GRIP2: variants seen among roughly 807,000 people sequenced by gnomAD.
GRIP2 encodes glutamate receptor-interacting protein 2.
GRIP2 carries 58 observed loss-of-function variants against 108.3 expected under a neutral mutation model. The ratio of observed to expected loss-of-function variants is 0.54; its 90% CI spans 0.43 to 0.67. GRIP2 has a LOEUF of 0.67. GRIP2 is among the 30% of genes least tolerant of loss of function. The pLI, the probability that GRIP2 is intolerant of heterozygous loss-of-function variation, is 0.00. For synonymous variants in GRIP2, 586 were observed against 598.2 expected, an observed-to-expected ratio of 0.98 and a Z score of 0.30; for missense variants, 1,278 against 1,430.6, an observed-to-expected ratio of 0.89 and a Z score of 1.72.
chr3:14,554,148 G>A lies in GRIP2; in HGVS notation c.55+1752C>T, dbSNP rs537286485. ...TCAATCGGCACTGCAATCTCAGAAG[G>A]GCAGTTTTTCTTGGGCTCACTTCAA... On this transcript the variant is annotated intron_variant, in intron 1 of 23. Coordinates refer to the GRIP2 transcript ENST00000637182. Among the ~76,000 whole-genome samples, 18 of 152,220 alleles carry A rather than the reference G, an allele frequency of 1.2e-4. No homozygotes were observed. The South Asian group carries it at 3.1e-3, about 26-fold the overall frequency.
At chr3:14,551,252 C>T (rs913958762) in intron 1 of GRIP2, among the ~76,000 whole-genome samples, 1 of 152,188 alleles carries the variant, frequency 6.6e-6, no homozygotes, top group East Asian at 1.9e-4. Flanking sequence ...TTAAGACAGG[C>T]AGATGGTCCT....
upstream of GRIP2, among the ~76,000 whole-genome samples, chr3:14,558,769 CA>C (rs1023460591): frequency 6.6e-6 from 1 of 152,164 alleles, no homozygotes; most frequent in Non-Finnish European, 1.5e-5. Context: ...AGAGACCCCA[CA>C]GGCCTCAGGG....
the GRIP2 span, among the ~76,000 whole-genome samples, chr3:14,568,873 G>A: frequency 2.0e-5 from 3 of 152,196 alleles, no homozygotes; most frequent in Non-Finnish European, 4.4e-5. Flanking sequence ...TCAGACAACC[G>A]AGGCTCCAAC....
intron 22 of GRIP2, among the ~76,000 whole-genome samples, chr3:14,495,703 C>G (rs1693579972): frequency 6.6e-6 from 1 of 152,160 alleles, no homozygotes; most frequent in Non-Finnish European, 1.5e-5. Context: ...CCGCGACCAG[C>G]TCGTATCTTT....
the GRIP2 span, among the ~76,000 whole-genome samples, chr3:14,597,783 T>C: frequency 1.3e-5 from 2 of 152,022 alleles, no homozygotes; most frequent in African/African-American, 4.8e-5. Flanking sequence ...CATTTGTGGC[T>C]GGGGTGGGGG....
chr3:14,573,498 C>G, the GRIP2 span: 1 of 1,546,168 alleles, frequency 6.5e-7, no homozygotes, highest in Non-Finnish European at 8.9e-7. Context: ...AGGCAGGAGC[C>G]CACACACATC....
chr3:14,509,012 G>C (rs1289397012), intron 17 of GRIP2, among the ~76,000 whole-genome samples: 1 of 152,156 alleles, frequency 6.6e-6, no homozygotes, highest in African/African-American at 2.4e-5. Flanking sequence ...GTACATGCTC[G>C]AATTGATGAA....
At chr3:14,572,022 G>T in the GRIP2 span, among the ~76,000 whole-genome samples, 998 of 152,118 alleles carry the variant, frequency 6.6e-3, 8 homozygotes, top group African/African-American at 0.019. Context: ...TTCAAGATAC[G>T]TATATTCTAA....
chr3:14,503,421 T>A, intron 21 of GRIP2, 145 bp downstream of exon 21: 1 of 621,870 alleles, frequency 1.6e-6, no homozygotes, highest in Non-Finnish European at 2.9e-6. Context: ...TGAAGACACC[T>A]TTTCCCACAG....
Position 14,540,121 on chromosome 3 carries a change from G to C in GRIP2, c.40+148C>G. The C allele has an allele frequency of 1.0e-6, 1 of 1,004,836 alleles. No individual in the cohort carries two copies. Among genetic ancestry groups the C allele is most frequent in the South Asian group, 1.7e-5 (1 of 60,270 alleles). The allele number at this position is 1,004,836 out of a possible 1,614,324, so 62.2% of individuals were successfully genotyped here. On this transcript the variant is annotated intron_variant, in intron 1 of 23. Coordinates refer to ENST00000621039, the MANE Select transcript of GRIP2 (RefSeq NM_001080423.4). This position sits in a 1 kb window ranked among gnomAD's most constrained non-coding sequence, Gnocchi z 4.1. ...GGTCAGACAGACAGCCCCAGCAAGTGTCCTGCCCCACCCTCCCCAAGCCCT... is the reference window on the plus strand; with the variant it reads ...GGTCAGACAGACAGCCCCAGCAAGTCTCCTGCCCCACCCTCCCCAAGCCCT...
At chr3:14,573,106 C>T in the GRIP2 span, 1 of 1,425,098 alleles carries the variant, frequency 7.0e-7, no homozygotes, top group Non-Finnish European at 9.9e-7. Context: ...GAAATGTGGG[C>T]AAAGTTGTCG....
At chr3:14,565,794 C>T in the GRIP2 span, among the ~76,000 whole-genome samples, 14 of 152,226 alleles carry the variant, frequency 9.2e-5, no homozygotes, top group Non-Finnish European at 1.6e-4. Flanking sequence ...CCACCTGGCC[C>T]ATAGAAAACT....
the GRIP2 span, among the ~76,000 whole-genome samples, chr3:14,578,751 G>T: frequency 6.6e-6 from 1 of 151,558 alleles, no homozygotes; most frequent in Non-Finnish European, 1.5e-5. Context: ...GAAGGAATGG[G>T]TTTTTTCTCC....
At chr3:14,574,289 C>T in the GRIP2 span, 1 of 969,012 alleles carries the variant, frequency 1.0e-6, no homozygotes, top group Non-Finnish European at 1.6e-6. Context: ...TGAGCCGTCC[C>T]ACCATGCTCA....
intron 1 of GRIP2, among the ~76,000 whole-genome samples, chr3:14,536,573 G>A (rs902038292): frequency 3.3e-5 from 5 of 152,162 alleles, no homozygotes; most frequent in African/African-American, 9.7e-5. Context: ...TGGAGAGGCC[G>A]CCACCCCCAC....
the GRIP2 span, among the ~76,000 whole-genome samples, chr3:14,570,483 G>A: frequency 6.6e-6 from 1 of 152,220 alleles, no homozygotes; most frequent in Non-Finnish European, 1.5e-5. Flanking sequence ...TATGCAAAGT[G>A]CGGCTGCAGG....
At position 14,507,044 on chromosome 3, in the gene GRIP2, C is replaced by T. The variant is rs1016249051; in HGVS notation, c.2219-64G>A. 1.9e-5 allele frequency: 28 copies of T among 1,453,662 alleles called. 1 individual carries two copies. In the Middle Eastern group the frequency reaches 1.1e-3, roughly 55 times the overall value. 90.0% of individuals were successfully genotyped at this position (1,453,662 alleles called of 1,614,324 possible). A position where few individuals can be genotyped will look rare whatever the true frequency, so the allele number is the denominator to read the frequency against. On this transcript the variant is annotated intron_variant, in intron 18 of 23. Transcript: ENST00000621039. This position sits in a 1 kb window ranked among gnomAD's most constrained non-coding sequence, Gnocchi z 4.6. ...CACTCACAGTGAGCCTCAGTTTCTG[C>T]ATTTCAGCCTGGTCTGGAAACTCAC...
chr3:14,544,502 C>T (rs1695028253), upstream of GRIP2, among the ~76,000 whole-genome samples: 1 of 152,226 alleles, frequency 6.6e-6, no homozygotes, highest in East Asian at 1.9e-4. Flanking sequence ...CGTCCTTCAT[C>T]TCTGACTCCA....
At chr3:14,498,520 G>A (rs1439147124) in intron 21 of GRIP2, among the ~76,000 whole-genome samples, 1 of 152,140 alleles carries the variant, frequency 6.6e-6, no homozygotes, top group African/African-American at 2.4e-5. Flanking sequence ...GGGGAAGATA[G>A]GAAACCGAGG....
Sources: allele counts gnomAD v4.1 joint callset (sites outside exome capture counted in the v4.1 genomes callset), GRCh38; gene constraint gnomAD v4.1.1; non-coding constraint Gnocchi (gnomAD v3.1); transcripts MANE v1.5; gene names NCBI Gene and HGNC (gene_info 2026-07-23, HGNC 2026-07-21).